The following MACROD2 variants were observed in gnomAD, a reference collection of about 807,000 sequenced individuals.
MACROD2 encodes mono-ADP ribosylhydrolase 2, also known as ADP-ribose glycohydrolase MACROD2.
In MACROD2, 36 loss-of-function variants were observed where a neutral mutation model predicts 70.4. The ratio of observed to expected loss-of-function variants is 0.51; its 90% CI spans 0.39 to 0.68. The LOEUF is 0.68. MACROD2 is among the 30% of genes least tolerant of loss of function. The pLI is 0.00. For missense variants in MACROD2, 496 were observed against 538.4 expected (o/e 0.92, Z 0.78); for synonymous variants, 172 against 178.8 (o/e 0.96, Z 0.30).
At chr20:16,030,976 G>T (rs949366400) in intron 15 of MACROD2, among the ~76,000 whole-genome samples, 5 of 151,952 alleles carry the variant, frequency 3.3e-5, no homozygotes, top group Non-Finnish European at 4.4e-5. Context: ...TTTTAATAAA[G>T]AATTTTATGG....
intron 8 of MACROD2, among the ~76,000 whole-genome samples, chr20:15,607,379 T>G (rs2048907942): frequency 6.6e-6 from 1 of 152,258 alleles, no homozygotes; most frequent in Non-Finnish European, 1.5e-5. Flanking sequence ...GCAGAGATGC[T>G]CAGTTCTTTC....
rs6110640 is a variant in MACROD2 at position 15,512,854 on chromosome 20, G to A, written c.645+13007G>A. 7.3e-3 allele frequency among the ~76,000 whole-genome samples: 1,109 copies of A among 152,264 alleles called. 21 individuals are homozygous for A. Among genetic ancestry groups the A allele is most frequent in the African/African-American group, 0.026 (1,069 of 41,556 alleles). ...ACTACCTACCTTAATATTTTCTGCT[G>A]TTCAAAATTTTCCTCTGAAAACAAT... On this transcript the variant is annotated intron_variant, in intron 8 of 17. Transcript: ENST00000684519.
chr20:14,815,569 A>G (rs2072764371), intron 5 of MACROD2, among the ~76,000 whole-genome samples: 1 of 151,988 alleles, frequency 6.6e-6, no homozygotes, highest in Non-Finnish European at 1.5e-5. Context: ...TGCAAATGTA[A>G]AATTAGTATG....
intron 3 of MACROD2, among the ~76,000 whole-genome samples, chr20:14,446,753 T>C (rs1048795983): frequency 2.0e-5 from 3 of 152,074 alleles, no homozygotes; most frequent in Non-Finnish European, 2.9e-5. Context: ...ACTCTCCTAA[T>C]TGAAACACAT....
chr20:14,361,634 C>T (rs1267284724), intron 3 of MACROD2, among the ~76,000 whole-genome samples: 1 of 152,160 alleles, frequency 6.6e-6, no homozygotes, highest in Non-Finnish European at 1.5e-5. Flanking sequence ...CTCTGTAATG[C>T]ATGTCACTCC....
intron 3 of MACROD2, among the ~76,000 whole-genome samples, chr20:14,488,702 A>T (rs1184975085): frequency 6.6e-6 from 1 of 152,226 alleles, no homozygotes; most frequent in Non-Finnish European, 1.5e-5. Flanking sequence ...CTGATCCTAG[A>T]CAAGTGAGTT....
At chr20:15,051,392 G>C (rs1163776405) in intron 5 of MACROD2, among the ~76,000 whole-genome samples, 2 of 97,822 alleles carry the variant, frequency 2.0e-5, no homozygotes, top group South Asian at 3.7e-4. Context: ...GTGTGTGTGT[G>C]TGTGTGTCAT....
chr20:15,876,119 A>ATGTATGT (rs1380647267), intron 9 of MACROD2, among the ~76,000 whole-genome samples: 5 of 119,684 alleles, frequency 4.2e-5, no homozygotes, highest in African/African-American at 1.7e-4. Context: ...ATATGTGTGT[A>ATGTATGT]TTTTTTTTAT....
chr20:15,983,545 C>A (rs912248158), intron 13 of MACROD2, among the ~76,000 whole-genome samples: 10 of 152,126 alleles, frequency 6.6e-5, no homozygotes, highest in Admixed American at 1.3e-4. Flanking sequence ...GTGAGAGACA[C>A]AAAGTGAACT....
intron 5 of MACROD2, among the ~76,000 whole-genome samples, chr20:15,181,131 A>G (rs2079231719): frequency 6.6e-6 from 1 of 152,218 alleles, no homozygotes; most frequent in South Asian, 2.1e-4. Flanking sequence ...GAACCCGAGT[A>G]TAGAAAATTC....
chr20:14,874,162 T>C (rs1170009924), intron 5 of MACROD2, among the ~76,000 whole-genome samples: 1 of 152,046 alleles, frequency 6.6e-6, no homozygotes, highest in Non-Finnish European at 1.5e-5. Flanking sequence ...AATTCTCTTT[T>C]GGTAAGAAAG....
chr20:14,961,590 C>T (rs1410712949), intron 5 of MACROD2, among the ~76,000 whole-genome samples: 1 of 151,980 alleles, frequency 6.6e-6, no homozygotes, highest in Non-Finnish European at 1.5e-5. Context: ...TGCAGTGGCG[C>T]AATCACAGCT....
intron 6 of MACROD2, among the ~76,000 whole-genome samples, chr20:15,242,538 A>G (rs1019302866): frequency 1.6e-4 from 25 of 152,158 alleles, no homozygotes; most frequent in African/African-American, 6.0e-4. Context: ...TTATAGAATA[A>G]CTTCAGAAGT....
intron 6 of MACROD2, among the ~76,000 whole-genome samples, chr20:15,344,447 C>T (rs2078142650): frequency 1.3e-5 from 2 of 152,278 alleles, no homozygotes; most frequent in Admixed American, 6.5e-5. Context: ...CAAACAAACA[C>T]TATGATTGTT....
intron 7 of MACROD2, among the ~76,000 whole-genome samples, chr20:15,466,310 C>T (rs891471990): frequency 1.3e-5 from 2 of 152,140 alleles, no homozygotes; most frequent in African/African-American, 4.8e-5. Flanking sequence ...GGCAGGCTTC[C>T]AAATTATTTT....
chr20:15,136,129 A>G (rs1220301265), intron 5 of MACROD2, among the ~76,000 whole-genome samples: 2 of 151,080 alleles, frequency 1.3e-5, no homozygotes, highest in Non-Finnish European at 2.9e-5. Flanking sequence ...GAAAATGGCC[A>G]TACTGCCCAA....
chr20:14,350,608 A>AT (rs1028262430), intron 3 of MACROD2, among the ~76,000 whole-genome samples: 5 of 151,842 alleles, frequency 3.3e-5, no homozygotes, highest in Admixed American at 2.6e-4. Flanking sequence ...TTGGATTAAT[A>AT]TTTTTTTTCC....
At chr20:14,198,181 G>GGA (rs372434781) in intron 3 of MACROD2, among the ~76,000 whole-genome samples, 95 of 151,322 alleles carry the variant, frequency 6.3e-4, no homozygotes, top group Non-Finnish European at 1.0e-3. Flanking sequence ...AAGGTAAGAG[G>GGA]GAGAGAGAGA....
At chr20:14,371,726 T>C (rs565986749) in intron 3 of MACROD2, among the ~76,000 whole-genome samples, 1 of 152,242 alleles carries the variant, frequency 6.6e-6, no homozygotes, top group South Asian at 2.1e-4. Flanking sequence ...GATATTTCTG[T>C]GTTTATGATA....
Sources: gnomAD v4.1 joint callset for allele counts (sites outside exome capture counted in the v4.1 genomes callset) on GRCh38, gnomAD v4.1.1 for gene constraint, MANE v1.5 for transcripts, NCBI Gene and HGNC (gene_info 2026-07-23, HGNC 2026-07-21) for gene names.